The following FLT1 variants were observed in gnomAD, a reference collection of about 807,000 sequenced individuals.
FLT1 encodes fms related receptor tyrosine kinase 1.
In FLT1, 49 loss-of-function variants were observed where a neutral mutation model predicts 156.3. That is an observed-to-expected ratio of 0.31 (90% confidence interval 0.25 to 0.40). The LOEUF (loss-of-function observed/expected upper bound fraction) is 0.40. Among genes scored for constraint, FLT1 ranks in the 10% least tolerant of loss-of-function variants. The pLI, the probability that FLT1 is intolerant of heterozygous loss-of-function variation, is 1.00. For synonymous variants in FLT1, 594 were observed against 583.8 expected, an observed-to-expected ratio of 1.02 and a Z score of -0.25; for missense variants, 1,322 against 1,637.2, an observed-to-expected ratio of 0.81 and a Z score of 3.32.
At chr13:28,385,111 T>C (rs1420181626) in intron 13 of FLT1, 80 bp from the exon 14 acceptor site, 6 of 1,454,704 alleles carry the variant, frequency 4.1e-6, no homozygotes, top group Middle Eastern at 1.8e-4. Flanking sequence ...ATTTAAAATA[T>C]ACAGAGAAAC....
intron 11 of FLT1, among the ~76,000 whole-genome samples, chr13:28,397,286 A>G (rs1325483083): frequency 2.6e-5 from 4 of 152,178 alleles, no homozygotes; most frequent in Non-Finnish European, 4.4e-5. Context: ...GGCCTATGAC[A>G]TCCGACTCAT....
intron 3 of FLT1, among the ~76,000 whole-genome samples, chr13:28,451,870 G>C (rs1470782542): frequency 9.2e-5 from 14 of 152,214 alleles, no homozygotes; most frequent in African/African-American, 3.4e-4. Flanking sequence ...CCAGACACAC[G>C]AGTGGAGGAA....
chr13:28,378,174 G>A (rs1873926226), intron 14 of FLT1, among the ~76,000 whole-genome samples: 1 of 151,102 alleles, frequency 6.6e-6, no homozygotes, highest in African/African-American at 2.4e-5. Context: ...TCAGGCTCCT[G>A]AGTAGCTGGG....
intron 1 of FLT1, among the ~76,000 whole-genome samples, chr13:28,482,645 C>T (rs974020885): frequency 3.3e-5 from 5 of 152,238 alleles, no homozygotes; most frequent in East Asian, 3.9e-4. Context: ...CCATGCCCAT[C>T]GGTTTGGACT....
intron 11 of FLT1, among the ~76,000 whole-genome samples, chr13:28,404,555 C>T (rs1185979419): frequency 6.6e-6 from 1 of 152,078 alleles, no homozygotes; most frequent in Admixed American, 6.6e-5. Context: ...AGGAACGATG[C>T]CATCTACTTT....
chr13:28,387,935 C>T (rs1282742635), intron 13 of FLT1: 1 of 1,061,488 alleles, frequency 9.4e-7, no homozygotes, highest in African/African-American at 1.6e-5. Flanking sequence ...ACATCCTCCC[C>T]TCCCCACAAA....
At chr13:28,309,049 C>T (rs1206422152) in intron 27 of FLT1, 122 bp from the exon 28 acceptor site, 2 of 678,260 alleles carry the variant, frequency 2.9e-6, no homozygotes, top group Admixed American at 4.1e-5. Flanking sequence ...AATCACCTAA[C>T]TCCTGAGGCC....
At chr13:28,481,392 G>A (rs944787563) in intron 1 of FLT1, among the ~76,000 whole-genome samples, 1 of 151,874 alleles carries the variant, frequency 6.6e-6, no homozygotes, top group Non-Finnish European at 1.5e-5. Context: ...TGTGTATTGG[G>A]AGAATTGTTG....
At chr13:28,363,275 A>G (rs1201254174) in intron 14 of FLT1, among the ~76,000 whole-genome samples, 1 of 152,232 alleles carries the variant, frequency 6.6e-6, no homozygotes, top group Non-Finnish European at 1.5e-5. Flanking sequence ...CAGAAAAAGT[A>G]TAACTCATGT....
chr13:28,446,333 A>G lies in FLT1; in HGVS notation c.389-7988T>C, dbSNP rs150099613. Among the ~76,000 whole-genome samples the G allele has an allele frequency of 3.9e-5, 6 of 152,336 alleles. No homozygotes were observed. In the East Asian group the frequency reaches 1.2e-3, roughly 29 times the overall value. ...GCAATTGGGCAAGAAAAATAAATCC[A>G]GATTGGGAAGATCAAAATGGTACAG... On this transcript the variant is annotated intron_variant, in intron 3 of 29. Coordinates refer to ENST00000282397, the MANE Select transcript of FLT1 (RefSeq NM_002019.4).
chr13:28,339,026 T>A, intron 17 of FLT1, 142 bp downstream of exon 17: 1 of 693,846 alleles, frequency 1.4e-6, no homozygotes, highest in South Asian at 1.8e-5. Context: ...TTTACTTTTG[T>A]GTCCATCTCC....
chr13:28,373,051 T>A (rs76635461), intron 14 of FLT1, among the ~76,000 whole-genome samples: 1,929 of 152,160 alleles, frequency 0.013, 46 homozygotes, highest in African/African-American at 0.044. Context: ...TTAGAATGAG[T>A]GAGTGAATGT....
In FLT1 at chr13:28,446,982, G is replaced by A. The variant is rs539887675; in HGVS notation, c.389-8637C>T. ...ATTGAGACTCCAGAGATGAACCCAT[G>A]TGTCTATGGCCACTTGATTTTCAAG... On this transcript the variant is annotated intron_variant, in intron 3 of 29. Coordinates refer to ENST00000282397, the MANE Select transcript of FLT1 (RefSeq NM_002019.4). 2.6e-5 allele frequency among the ~76,000 whole-genome samples: 4 copies of A among 152,206 alleles called. No individual in the cohort carries two copies. In the East Asian group the frequency reaches 7.7e-4, roughly 29 times the overall value.
Position 28,382,766 on chromosome 13 carries a change from T to G in FLT1, c.2116+2119A>C, listed in dbSNP as rs138131798. 1.1e-3 allele frequency among the ~76,000 whole-genome samples: 161 copies of G among 152,316 alleles called. 1 individual carries two copies. The highest frequency in any genetic ancestry group is 3.8e-3 in the African/African-American group (156 of 41,568). On this transcript the variant is annotated intron_variant, in intron 14 of 29. Transcript: ENST00000282397. ...AGAGGGCAAAGGAGAGACCATCACCTTCTAGTTTGGATGATTAAATATTTG... is the reference window on the plus strand; with the variant it reads ...AGAGGGCAAAGGAGAGACCATCACCGTCTAGTTTGGATGATTAAATATTTG...
chr13:28,433,763 AT>A (rs1203626373), intron 6 of FLT1, 55 bp downstream of exon 6: 24 of 1,549,382 alleles, frequency 1.5e-5, no homozygotes, highest in Non-Finnish European at 8.9e-7. Flanking sequence ...CCCCTGCGGG[AT>A]TTCACTTGCT....
At chr13:28,303,495 C>CG (rs1491242027) in intron 29 of FLT1, 127 bp from the exon 30 acceptor site, 8 of 796,312 alleles carry the variant, frequency 1.0e-5, no homozygotes, top group South Asian at 1.5e-5. Flanking sequence ...TTTTGGAACC[C>CG]CCCCCCCCTC....
chr13:28,440,992 A>G (rs1878306424), intron 3 of FLT1, among the ~76,000 whole-genome samples: 1 of 152,094 alleles, frequency 6.6e-6, no homozygotes, highest in African/African-American at 2.4e-5. Context: ...GTCTTTCTAA[A>G]ATAATAATTA....
chr13:28,348,911 C>T (rs1032240250), intron 15 of FLT1, among the ~76,000 whole-genome samples: 7 of 143,686 alleles, frequency 4.9e-5, no homozygotes, highest in Non-Finnish European at 1.0e-4. Flanking sequence ...AGCGAGACTC[C>T]GTCTCAAAAA....
rs1879066198 is a variant in FLT1 at position 28,453,101 on chromosome 13, CCTTTCCTTTCCTTTCCTTTCCTTTCCTT to C, written c.388+13774_388+13801del. Among the ~76,000 whole-genome samples, 32 of 70,904 alleles carry C rather than the reference CCTTTCCTTTCCTTTCCTTTCCTTTCCTT, an allele frequency of 4.5e-4. 1 individual carries two copies. Among genetic ancestry groups the C allele is most frequent in the South Asian group, 1.3e-3 (2 of 1,522 alleles). 46.5% of individuals were successfully genotyped at this position (70,904 alleles called of 152,430 possible). ...CCTTTCCTTTCCTTTCCTTTCCTTTCCTTTCCTTTCCTTTCCTTTCCTTTCCTTTCCTTTCCTTTCTGACAGAGTTTCA... is the reference window on the plus strand; with the variant it reads ...CCTTTCCTTTCCTTTCCTTTCCTTTCTCCTTTCCTTTCTGACAGAGTTTCA... On this transcript the variant is annotated intron_variant, in intron 3 of 29. Coordinates refer to ENST00000282397, the MANE Select transcript of FLT1 (RefSeq NM_002019.4).
Sources: gnomAD v4.1 joint callset for allele counts (sites outside exome capture counted in the v4.1 genomes callset) on GRCh38, gnomAD v4.1.1 for gene constraint, MANE v1.5 for transcripts, NCBI Gene and HGNC (gene_info 2026-07-23, HGNC 2026-07-21) for gene names.